PLCD3: variants seen among roughly 807,000 people sequenced by gnomAD.
The protein encoded by PLCD3 is 1-phosphatidylinositol 4,5-bisphosphate phosphodiesterase delta-3.
A neutral mutation model predicts 82.8 loss-of-function variants in PLCD3; 62 were observed. The ratio of observed to expected loss-of-function variants is 0.75; its 90% confidence interval spans 0.61 to 0.93. PLCD3 has a LOEUF of 0.93. Ranked by LOEUF, PLCD3 falls within the 40% of genes least tolerant of loss-of-function variation. The pLI is 0.00. For synonymous variants in PLCD3, 478 were observed against 471.8 expected (o/e 1.01, Z -0.17); for missense variants, 1,023 against 1,103.4 (o/e 0.93, Z 1.03).
At chr17:45,113,714 G>T in intron 11 of PLCD3, 109 bp from the exon 12 acceptor site, 1 of 1,326,752 alleles carries the variant, frequency 7.5e-7, no homozygotes, top group Non-Finnish European at 1.0e-6. Flanking sequence ...CCCACTGTCT[G>T]CTTAGTGCTG....
Position 45,132,230 on chromosome 17 carries a change from C to T in PLCD3, c.163+18G>A, listed in dbSNP as rs2054469194. ...GAACGGTCCGCGCCCACCCCACCGC[C>T]CCTTGCCCGTCACTGACCCATCTTC... On this transcript the variant is annotated intron_variant, in intron 1 of 14. Coordinates refer to ENST00000619929, the MANE Select transcript of PLCD3 (RefSeq NM_133373.5). This position sits in a 1 kb window ranked among gnomAD's most constrained non-coding sequence, Gnocchi z 4.6. 3 of 1,263,936 alleles carry T rather than the reference C, an allele frequency of 2.4e-6. No homozygotes were observed. The highest frequency in any genetic ancestry group is 3.0e-6 in the Non-Finnish European group (3 of 1,004,196). The allele number at this position is 1,263,936 out of a possible 1,614,324, so 78.3% of individuals were successfully genotyped here. A position where few individuals can be genotyped will look rare whatever the true frequency, so the allele number is the denominator to read the frequency against.
chr17:45,114,339 C>T lies in PLCD3; in HGVS notation c.1739G>A (p.Arg580His), dbSNP rs763820378. 17 of 1,548,690 alleles carry T rather than the reference C, an allele frequency of 1.1e-5. No homozygotes were observed. The highest frequency in any genetic ancestry group is 7.4e-5 in the East Asian group (3 of 40,530). The change falls in exon 11 of 15, where the codon CGC (arginine) becomes CAC (histidine). Residue 580 changes from arginine (R) to histidine (H), a missense_variant. Physicochemically the swap from Arg to His is conservative, Grantham distance 29. Transcript: ENST00000619929. ...AGNSFVRHNA[R>H]QLTRVYPLGL... Reference sequence around the variant, plus strand: ...CAGCGGGTACACGCGGGTCAGCTGGCGGGCATTGTGCCTGACAAAGCTGTT... The same window carrying T: ...CAGCGGGTACACGCGGGTCAGCTGGTGGGCATTGTGCCTGACAAAGCTGTT...
intron 1 of PLCD3, among the ~76,000 whole-genome samples, chr17:45,126,517 G>A (rs573936586): frequency 6.6e-6 from 1 of 151,072 alleles, no homozygotes; most frequent in African/African-American, 2.4e-5. Context: ...TGGCCAGGCT[G>A]GTCTCGAACT....
rs888124837 is a variant in PLCD3, at chr17:45,110,089, C to CA, written c.*2526dup. On this transcript the variant is annotated 3_prime_UTR_variant, in exon 15 of 15. Coordinates refer to ENST00000619929, the MANE Select transcript of PLCD3 (RefSeq NM_133373.5). ...CGAGACTCCATCTCAAAAAAACAAA[C>CA]AAAAAAAAAACCCTGTGATTTCTCC... 3.0e-3 allele frequency: 445 copies of CA among 147,058 alleles called. 2 individuals carry two copies. The highest frequency in any genetic ancestry group is 7.8e-3 in the African/African-American group (314 of 40,090). 9.1% of individuals were successfully genotyped at this position (147,058 alleles called of 1,614,324 possible).
chr17:45,118,067 T>G lies in PLCD3; in HGVS notation c.1187A>C (p.Tyr396Ser). ...WEGPGGEPVI[Y>S]HGHTLTSKIL... ...CTTGGAGGTGAGGGTATGGCCATGA[T>G]AGATGACGGGCTCCCCTCCTGGCCC... The change falls in exon 7 of 15, where the codon TAT (tyrosine) becomes TCT (serine). Residue 396 changes from tyrosine to serine, a missense_variant. By Grantham distance (144) the Tyr-to-Ser change is moderately radical (BLOSUM62 -2). Coordinates refer to ENST00000619929, the MANE Select transcript of PLCD3 (RefSeq NM_133373.5). This position sits in a 1 kb window ranked among gnomAD's most constrained non-coding sequence, Gnocchi z 4.1. 6.2e-7 allele frequency: 1 copy of G among 1,613,868 alleles called. No individual in the cohort carries two copies. The highest frequency in any genetic ancestry group is 1.3e-5 in the African/African-American group (1 of 75,038).
chr17:45,129,986 C>T (rs968697900), intron 1 of PLCD3, among the ~76,000 whole-genome samples: 1 of 152,138 alleles, frequency 6.6e-6, no homozygotes, highest in Non-Finnish European at 1.5e-5. Flanking sequence ...CAGAGCGAGG[C>T]GGGGGAGGCT....
chr17:45,120,178 A>T (rs2054324608), intron 4 of PLCD3, 147 bp downstream of exon 4: 1 of 1,120,516 alleles, frequency 8.9e-7, no homozygotes, highest in Non-Finnish European at 1.3e-6. Flanking sequence ...CTAACCCCAG[A>T]TGTTGCCTTT....
chr17:45,131,958 A>C (rs2054458936), intron 1 of PLCD3, among the ~76,000 whole-genome samples: 1 of 152,058 alleles, frequency 6.6e-6, no homozygotes, highest in African/African-American at 2.4e-5. Context: ...CTCCCGCTCC[A>C]TTCTCCTTGG....
Position 45,132,358 on chromosome 17 carries a change from AC to A in PLCD3, c.52del (p.Val18TrpfsTer34). ...GACTTGGGCTGCGACCTGGGCGGCC[AC>A]CGGGGGCTCCTCGGGCGGGCGGCGG... is the stretch of plus-strand genomic sequence containing the variant. ...RCRRPPEEPP[V>X]AAQVAAQVAA... is the part of the protein sequence containing the mutation. On this transcript the variant is annotated frameshift_variant, in exon 1 of 15. Transcript: ENST00000619929. LOFTEE classifies it high-confidence loss of function. The surrounding 1 kb of genome is among the most constrained non-coding windows in gnomAD (Gnocchi z 4.6). 8.1e-7 allele frequency: 1 copy of A among 1,230,760 alleles called. No homozygotes were observed. Among genetic ancestry groups the A allele is most frequent in the Non-Finnish European group, 1.0e-6 (1 of 987,048 alleles). 76.2% of individuals were successfully genotyped at this position (1,230,760 alleles called of 1,614,324 possible).
rs986557535 is a variant in PLCD3, at chr17:45,132,040, A to C, written c.163+208T>G. 2.6e-5 allele frequency among the ~76,000 whole-genome samples: 4 copies of C among 152,104 alleles called. No individual in the cohort carries two copies. Among genetic ancestry groups the C allele is most frequent in the Admixed American group, 1.3e-4 (2 of 15,282 alleles). On this transcript the variant is annotated intron_variant, in intron 1 of 14. Coordinates refer to ENST00000619929, the MANE Select transcript of PLCD3 (RefSeq NM_133373.5). This position sits in a 1 kb window ranked among gnomAD's most constrained non-coding sequence, Gnocchi z 4.6. ...GCGAGCGCCCCCTGGTGGGAAGCAA[A>C]GAACACCCTGGGCGCCCGGCTCGCC...
At position 45,126,221 on chromosome 17, in the gene PLCD3, AT is replaced by A. The variant is rs1276836175; in HGVS notation, c.164-4850del. Reference sequence around the variant, plus strand: ...ACCACACCTGGCTAATTTTTTTTGTATTTTTTAGTAGAGACGGGGTTTCACC... The same window carrying A: ...ACCACACCTGGCTAATTTTTTTTGTATTTTTAGTAGAGACGGGGTTTCACC... On this transcript the variant is annotated intron_variant, in intron 1 of 14. Coordinates refer to ENST00000619929, the MANE Select transcript of PLCD3 (RefSeq NM_133373.5). Among the ~76,000 whole-genome samples, 30 of 150,260 alleles carry A rather than the reference AT, an allele frequency of 2.0e-4. No individual in the cohort carries two copies. The Middle Eastern group carries it at 0.011, about 54-fold the overall frequency.
At position 45,132,430 on chromosome 17, in the gene PLCD3, G is replaced by A. The variant is rs1042475993; in HGVS notation, c.-20C>T. 2.5e-6 allele frequency: 3 copies of A among 1,196,994 alleles called. No individual in the cohort carries two copies. The highest frequency in any genetic ancestry group is 3.1e-6 in the Non-Finnish European group (3 of 964,690). The allele number at this position is 1,196,994 out of a possible 1,614,324, so 74.1% of individuals were successfully genotyped here. ...CAGCATGGCTTGGCGGGGGGCCGGG[G>A]CCGGGCCCGGGGTCTGCACGCGGGG... On this transcript the variant is annotated 5_prime_UTR_variant, in exon 1 of 15. Transcript: ENST00000619929. The surrounding 1 kb of genome is among the most constrained non-coding windows in gnomAD (Gnocchi z 4.6).
chr17:45,118,768 A>G lies in PLCD3; in HGVS notation c.913+47T>C. The G allele has an allele frequency of 6.4e-7, 1 of 1,561,370 alleles. No homozygotes were observed. The highest frequency in any genetic ancestry group is 8.7e-7 in the Non-Finnish European group (1 of 1,151,322). Reference sequence around the variant, plus strand: ...CGCAGCAGAACCCGCTTAGCTGGGAACACAGCCCTTTCAGGTGCCACGACC... The same window carrying G: ...CGCAGCAGAACCCGCTTAGCTGGGAGCACAGCCCTTTCAGGTGCCACGACC... On this transcript the variant is annotated intron_variant, in intron 5 of 14. Coordinates refer to ENST00000619929, the MANE Select transcript of PLCD3 (RefSeq NM_133373.5). The surrounding 1 kb of genome is among the most constrained non-coding windows in gnomAD (Gnocchi z 4.1).
intron 3 of PLCD3, 117 bp downstream of exon 3, chr17:45,120,785 T>C: frequency 4.4e-6 from 5 of 1,146,924 alleles, no homozygotes; most frequent in Non-Finnish European, 4.5e-6. Context: ...ACCCAGACCG[T>C]GCGCCCTCAG....
intron 1 of PLCD3, among the ~76,000 whole-genome samples, chr17:45,122,979 T>G (rs2054353321): frequency 6.6e-6 from 1 of 152,100 alleles, no homozygotes; most frequent in Admixed American, 6.6e-5. Context: ...CCAGATATTC[T>G]AATGTTGACA....
chr17:45,120,984 C>T lies in PLCD3; in HGVS notation c.472G>A (p.Glu158Lys). 1 of 1,531,288 alleles carries T rather than the reference C, an allele frequency of 6.5e-7. No homozygotes were observed. The highest frequency in any genetic ancestry group is 8.7e-7 in the Non-Finnish European group (1 of 1,146,116). The allele number at this position is 1,531,288 out of a possible 1,614,324, so 94.9% of individuals were successfully genotyped here. Residue 158 changes from glutamate to lysine, a missense_variant, in exon 3 of 15, where the codon GAG becomes AAG. By Grantham distance (56) the Glu-to-Lys change is moderately conservative (BLOSUM62 1). Transcript: ENST00000619929. ...CCGCGCACCCAGCGCTGCGCTTCCT[C>T]AGCCGTGGGCGCCGCCAGGTCCAGG... Reference protein sequence around the residue: ...KNLDLAAPTAEEAQRWVRGLT... With the variant: ...KNLDLAAPTAKEAQRWVRGLT...
At position 45,113,216 on chromosome 17, in the gene PLCD3, C is replaced by T; in HGVS notation, c.2037G>A (p.Lys679=). Reference sequence around the variant, plus strand: ...CCAGGGGGTCCACAATGGAGTGTGGCTTCTCGGCATTCAGCTTGGGCAGCT... The same window carrying T: ...CCAGGGGGTCCACAATGGAGTGTGGTTTCTCGGCATTCAGCTTGGGCAGCT... The part of the protein sequence containing the change: ...AQQLPKLNAE[K]PHSIVDPLVR... Residue 679 remains lysine (K), a synonymous_variant, in exon 13 of 15, where the codon AAG becomes AAA. Coordinates refer to ENST00000619929, the MANE Select transcript of PLCD3 (RefSeq NM_133373.5). The T allele has an allele frequency of 6.2e-7, 1 of 1,610,652 alleles. No homozygotes were observed. Among genetic ancestry groups the T allele is most frequent in the Non-Finnish European group, 8.5e-7 (1 of 1,178,568 alleles).
chr17:45,131,419 T>C (rs2054443303), intron 1 of PLCD3, among the ~76,000 whole-genome samples: 1 of 152,180 alleles, frequency 6.6e-6, no homozygotes, highest in South Asian at 2.1e-4. Flanking sequence ...AGCCCTCCAC[T>C]GCCCTGCGGG....
chr17:45,122,077 G>C (rs1403333123), intron 1 of PLCD3, among the ~76,000 whole-genome samples: 1 of 152,200 alleles, frequency 6.6e-6, no homozygotes, highest in Non-Finnish European at 1.5e-5. Flanking sequence ...GTAGCCATCA[G>C]GAAGGTCTCA....
Sources: allele counts gnomAD v4.1 joint callset (sites outside exome capture counted in the v4.1 genomes callset), GRCh38; gene constraint gnomAD v4.1.1; non-coding constraint Gnocchi (gnomAD v3.1); transcripts MANE v1.5; gene names NCBI Gene and HGNC (gene_info 2026-07-23, HGNC 2026-07-21).